Variants in C4orf51 observed in about 807,000 individuals in gnomAD.
C4orf51 encodes uncharacterized protein C4orf51.
C4orf51 carries 25 observed loss-of-function variants against 25.2 expected under a neutral mutation model. The observed-to-expected ratio is 0.99, with a 90% confidence interval of 0.72 to 1.39. The LOEUF is 1.39. Among genes scored for constraint, C4orf51 ranks in the 40% most tolerant of loss-of-function variants. The pLI, the probability that C4orf51 is intolerant of heterozygous loss-of-function variation, is 0.00. For synonymous variants in C4orf51, 100 were observed against 84.5 expected (o/e 1.18, Z -1.01); for missense variants, 252 against 239.6 (o/e 1.05, Z -0.34).
intron 2 of C4orf51, among the ~76,000 whole-genome samples, chr4:145,724,526 C>G (rs928776875): frequency 2.6e-5 from 4 of 151,982 alleles, no homozygotes; most frequent in Admixed American, 6.5e-5. Context: ...AGCAAGACAC[C>G]CTTTCAGCAG....
chr4:145,743,426 C>G (rs1733204320), intron 1 of C4orf51, among the ~76,000 whole-genome samples: 1 of 152,108 alleles, frequency 6.6e-6, no homozygotes, highest in South Asian at 2.1e-4. Context: ...CTTAACTCAT[C>G]TTTTTATGAA....
At chr4:145,695,984 G>A in intron 1 of C4orf51, among the ~76,000 whole-genome samples, 1 of 152,164 alleles carries the variant, frequency 6.6e-6, no homozygotes, top group East Asian at 1.9e-4. Context: ...ACATAAAGAA[G>A]GAAACAACAT....
chr4:145,769,367 C>T (rs1264925304), intron 1 of C4orf51, among the ~76,000 whole-genome samples: 17 of 152,182 alleles, frequency 1.1e-4, no homozygotes, highest in Admixed American at 1.1e-3. Flanking sequence ...AGCGGAGACC[C>T]TGAATCCCTG....
chr4:145,713,471 T>G (rs1731238944), intron 2 of C4orf51, among the ~76,000 whole-genome samples: 1 of 152,174 alleles, frequency 6.6e-6, no homozygotes, highest in Admixed American at 6.5e-5. Context: ...GGAGTAAGTA[T>G]GTGTAAGATG....
chr4:145,786,123 A>G, the C4orf51 span, among the ~76,000 whole-genome samples: 2 of 152,246 alleles, frequency 1.3e-5, no homozygotes, highest in Admixed American at 6.5e-5. Context: ...GTAAAATTAA[A>G]CAAACAAACA....
chr4:145,696,700 CT>C (rs916168432), intron 2 of C4orf51, 68 bp downstream of exon 2: 162 of 1,163,342 alleles, frequency 1.4e-4, no homozygotes, highest in East Asian at 1.7e-4. Flanking sequence ...CTTTCAGGTT[CT>C]TTTTTTTTCT....
chr4:145,732,492 T>A lies in C4orf51; in HGVS notation c.541T>A (p.Ser181Thr). 1 of 1,611,422 alleles carries A rather than the reference T, an allele frequency of 6.2e-7. No individual in the cohort carries two copies. Among genetic ancestry groups the A allele is most frequent in the Non-Finnish European group, 8.5e-7 (1 of 1,178,990 alleles). The change falls in exon 6 of 6, where the codon TCT becomes ACT. Residue 181 changes from serine to threonine, a missense_variant. Coordinates refer to ENST00000438731, the MANE Select transcript of C4orf51 (RefSeq NM_001080531.3). ...RCDSESKVCS[S>T]EDSEADRYSD... ...CGATTCTGAAAGCAAGGTTTGCTCA[T>A]CTGAGGATTCAGAAGCTGATCGATA...
intron 1 of C4orf51, among the ~76,000 whole-genome samples, chr4:145,751,166 G>A (rs1487907835): frequency 6.6e-6 from 1 of 152,078 alleles, no homozygotes; most frequent in African/African-American, 2.4e-5. Flanking sequence ...TTCATTTGGT[G>A]CGGTCATGTT....
chr4:145,729,822 C>A, intron 4 of C4orf51, 70 bp from the exon 5 acceptor site: 1 of 1,324,712 alleles, frequency 7.5e-7, no homozygotes, highest in Non-Finnish European at 1.1e-6. Context: ...TTGGGAATGT[C>A]AGGAAATTTC....
At chr4:145,726,437 C>G (rs1322895132) in intron 2 of C4orf51, among the ~76,000 whole-genome samples, 2 of 152,116 alleles carry the variant, frequency 1.3e-5, no homozygotes, top group African/African-American at 2.4e-5. Flanking sequence ...GGGTCTTGCT[C>G]TGTTGCCCAG....
chr4:145,721,533 G>A (rs1033809595), intron 2 of C4orf51, among the ~76,000 whole-genome samples: 2 of 152,228 alleles, frequency 1.3e-5, no homozygotes, highest in South Asian at 2.1e-4. Flanking sequence ...TCTAGGTGGT[G>A]GGAATTTTGT....
chr4:145,684,777 CTT>C (rs1171746773), intron 1 of C4orf51, among the ~76,000 whole-genome samples: 1 of 152,062 alleles, frequency 6.6e-6, no homozygotes, highest in Non-Finnish European at 1.5e-5. Flanking sequence ...GAAAAAAAGT[CTT>C]TAAAAATTGA....
At chr4:145,688,515 T>C (rs1729321289) in intron 1 of C4orf51, among the ~76,000 whole-genome samples, 1 of 152,176 alleles carries the variant, frequency 6.6e-6, no homozygotes, top group African/African-American at 2.4e-5. Context: ...AGTGTTCTCC[T>C]GATATCTGAT....
At chr4:145,760,842 G>A in intron 1 of C4orf51, 1 of 1,207,422 alleles carries the variant, frequency 8.3e-7, no homozygotes, top group Non-Finnish European at 1.1e-6. Flanking sequence ...TGGGTGAGGG[G>A]ATGCTGGGAG....
At chr4:145,733,453 G>T (rs1366615865), downstream of C4orf51, among the ~76,000 whole-genome samples, 1 of 152,202 alleles carries the variant, frequency 6.6e-6, no homozygotes, top group Non-Finnish European at 1.5e-5. Context: ...GAAGGGCCCC[G>T]GCAGCCGCCG....
At chr4:145,708,890 TA>T (rs1000637725) in intron 2 of C4orf51, among the ~76,000 whole-genome samples, 4 of 152,316 alleles carry the variant, frequency 2.6e-5, no homozygotes, top group African/African-American at 9.6e-5. Context: ...GTTTTTTAAG[TA>T]AAAAGAGGCC....
chr4:145,711,354 C>T (rs1467843770), intron 2 of C4orf51, among the ~76,000 whole-genome samples: 2 of 152,218 alleles, frequency 1.3e-5, no homozygotes, highest in Non-Finnish European at 2.9e-5. Flanking sequence ...ATTGCTGGGG[C>T]TCTAACAGCT....
At position 145,761,403 on chromosome 4, in the gene C4orf51, G is replaced by A. The variant is rs907168419; in HGVS notation, n.167-9585G>A. The A allele has an allele frequency of 6.0e-5, 77 of 1,289,864 alleles. No individual in the cohort carries two copies. The highest frequency in any genetic ancestry group is 2.8e-4 in the Admixed American group (12 of 43,568). 79.9% of individuals were successfully genotyped at this position (1,289,864 alleles called of 1,614,324 possible). A position where few individuals can be genotyped will look rare whatever the true frequency, so the allele number is the denominator to read the frequency against. On this transcript the variant is annotated intron_variant and non_coding_transcript_variant, in intron 1 of 1. Transcript: ENST00000510096. This position sits in a 1 kb window ranked among gnomAD's most constrained non-coding sequence, Gnocchi z 6.8. ...GCACGTGCTCGATGAGCTTGTTGGC[G>A]GTCTTGGACAGGTAGCCGCACTGGT...
chr4:145,723,988 T>C lies in C4orf51; in HGVS notation c.308-2923T>C, dbSNP rs555526943. Among the ~76,000 whole-genome samples the C allele has an allele frequency of 1.4e-4, 22 of 152,320 alleles. No individual in the cohort carries two copies. In the South Asian group the frequency reaches 4.4e-3, roughly 30 times the overall value. On this transcript the variant is annotated intron_variant, in intron 2 of 5. Transcript: ENST00000438731. Reference sequence around the variant, plus strand: ...GACATTTCTAGTTCAGTGAGAAAAATGCCCAAGTTGGCTGAAAGATAAACA... The same window carrying C: ...GACATTTCTAGTTCAGTGAGAAAAACGCCCAAGTTGGCTGAAAGATAAACA...
Sources: gnomAD v4.1 joint callset for allele counts (sites outside exome capture counted in the v4.1 genomes callset) on GRCh38, gnomAD v4.1.1 for gene constraint, Gnocchi (gnomAD v3.1) non-coding constraint, MANE v1.5 for transcripts, NCBI Gene and HGNC (gene_info 2026-07-23, HGNC 2026-07-21) for gene names.